MEGF10: variants seen among roughly 807,000 people sequenced by gnomAD.
MEGF10 encodes the protein multiple epidermal growth factor-like domains protein 10.
Under a neutral mutation model 147.5 loss-of-function variants are expected in MEGF10, and 86 were observed. The ratio of observed to expected loss-of-function variants is 0.58; its 90% CI spans 0.49 to 0.70. The LOEUF (loss-of-function observed/expected upper bound fraction) is 0.70, where lower values mean the gene tolerates loss of function less well. MEGF10 is among the 30% of genes least tolerant of loss of function. The pLI, the probability that MEGF10 is intolerant of heterozygous loss-of-function variation, is 0.00. For missense variants in MEGF10, 1,329 were observed against 1,487.3 expected (o/e 0.89, Z 1.75); for synonymous variants, 478 against 525.5 (o/e 0.91, Z 1.24).
At chr5:127,372,292 T>G (rs1172570522) in intron 5 of MEGF10, among the ~76,000 whole-genome samples, 1 of 152,252 alleles carries the variant, frequency 6.6e-6, no homozygotes, top group Non-Finnish European at 1.5e-5. Context: ...TTTTTAAATT[T>G]TTAAAATACA....
At chr5:127,292,691 T>G (rs1009975498) in intron 1 of MEGF10, among the ~76,000 whole-genome samples, 2 of 152,072 alleles carry the variant, frequency 1.3e-5, no homozygotes, top group African/African-American at 4.8e-5. Flanking sequence ...AAAGACTACT[T>G]GGAACAGGTG....
At chr5:127,428,273 T>C (rs1421141095) in intron 13 of MEGF10, among the ~76,000 whole-genome samples, 1 of 150,886 alleles carries the variant, frequency 6.6e-6, no homozygotes, top group Non-Finnish European at 1.5e-5. Flanking sequence ...GTCTTTAAAA[T>C]CCATAGTATC....
At chr5:127,422,521 AAG>A in intron 12 of MEGF10, 147 bp from the exon 13 acceptor site, 2 of 614,830 alleles carry the variant, frequency 3.3e-6, no homozygotes, top group South Asian at 2.1e-5. Context: ...CTCAAAAAAA[AAG>A]AAAAAAATAA....
At chr5:127,306,307 T>C (rs1313061617) in intron 1 of MEGF10, among the ~76,000 whole-genome samples, 1 of 152,138 alleles carries the variant, frequency 6.6e-6, no homozygotes, top group Non-Finnish European at 1.5e-5. Flanking sequence ...CTGAGAAGGA[T>C]GGCAACCAAG....
intron 1 of MEGF10, among the ~76,000 whole-genome samples, chr5:127,324,241 A>C (rs191957655): frequency 8.2e-4 from 125 of 152,344 alleles, no homozygotes; most frequent in African/African-American, 2.9e-3. Context: ...AAGACTCTTA[A>C]GGTTGAGAAG....
chr5:127,370,017 GCTGTTGT>G lies in MEGF10; in HGVS notation c.412+20_412+26del. On this transcript the variant is annotated intron_variant, in intron 5 of 24. Coordinates refer to ENST00000503335, the MANE Select transcript of MEGF10 (RefSeq NM_001256545.2). ...CTGCTCCAGTGGTAAGTTTCCACCT[GCTGTTGT>G]CTGTCTCGGGATGTTTTTGCTGTAA... 1.2e-6 allele frequency: 2 copies of G among 1,603,298 alleles called. No homozygotes were observed. The highest frequency in any genetic ancestry group is 1.7e-6 in the Non-Finnish European group (2 of 1,170,994).
At chr5:127,249,473 TAAAAG>T in the MEGF10 span, among the ~76,000 whole-genome samples, 1 of 151,416 alleles carries the variant, frequency 6.6e-6, no homozygotes, top group African/African-American at 2.4e-5. Context: ...AAAGGACAAA[TAAAAG>T]AAACAAACAT....
the MEGF10 span, among the ~76,000 whole-genome samples, chr5:127,238,467 A>G: frequency 6.6e-6 from 1 of 152,168 alleles, no homozygotes; most frequent in Non-Finnish European, 1.5e-5. Flanking sequence ...CATCTCATTG[A>G]CAGCTTGTGG....
chr5:127,387,307 TTC>T (rs1332094665), intron 5 of MEGF10, among the ~76,000 whole-genome samples: 1 of 152,210 alleles, frequency 6.6e-6, no homozygotes, highest in African/African-American at 2.4e-5. Context: ...ATTTACTAGA[TTC>T]TCTCCATGTG....
intron 1 of MEGF10, among the ~76,000 whole-genome samples, chr5:127,299,757 T>C (rs1313385461): frequency 6.6e-6 from 1 of 151,834 alleles, no homozygotes; most frequent in East Asian, 1.9e-4. Context: ...TTTTTTTTTT[T>C]TAAGTTAGGC....
chr5:127,457,238 C>A lies in MEGF10; in HGVS notation c.3343C>A (p.Pro1115Thr). Residue 1115 changes from proline to threonine, a missense_variant, in exon 25 of 25, where the codon CCA becomes ACA. Transcript: ENST00000503335. ...SHIPCHYDLLPVRDSSSSPKQ... is the reference protein window; with the variant it reads ...SHIPCHYDLLTVRDSSSSPKQ... ...CATCCCTTGTCATTATGACCTGCTGCCAGTCCGAGACAGTTCATCCTCCCC... is the reference window on the plus strand; with the variant it reads ...CATCCCTTGTCATTATGACCTGCTGACAGTCCGAGACAGTTCATCCTCCCC... 1 of 1,614,150 alleles carries A rather than the reference C, an allele frequency of 6.2e-7. No homozygotes were observed.
At chr5:127,442,916 A>G (rs1765807785) in intron 18 of MEGF10, 82 bp from the exon 19 acceptor site, 1 of 1,455,394 alleles carries the variant, frequency 6.9e-7, no homozygotes, top group Non-Finnish European at 9.4e-7. Context: ...ACTCAGCTCT[A>G]GATGTGCAGG....
At position 127,443,032 on chromosome 5, in the gene MEGF10, C is replaced by T. The variant is rs751687265; in HGVS notation, c.2397C>T (p.Arg799=). The change falls in exon 19 of 25, where the codon CGC becomes CGT. Residue 799 remains arginine, a synonymous_variant. Coordinates refer to ENST00000503335, the MANE Select transcript of MEGF10 (RefSeq NM_001256545.2). The part of the protein sequence containing the change: ...CPSGTYGYGC[R]QICDCLNNST... Reference sequence around the variant, plus strand: ...CAGGAACATATGGCTATGGCTGTCGCCAGATATGTGATTGTCTGAACAACT... The same window carrying T: ...CAGGAACATATGGCTATGGCTGTCGTCAGATATGTGATTGTCTGAACAACT... 6.2e-7 allele frequency: 1 copy of T among 1,613,658 alleles called. No homozygotes were observed. Among genetic ancestry groups the T allele is most frequent in the South Asian group, 1.1e-5 (1 of 91,038 alleles).
At chr5:127,416,202 T>C (rs574448820) in intron 9 of MEGF10, among the ~76,000 whole-genome samples, 3 of 151,980 alleles carry the variant, frequency 2.0e-5, no homozygotes, top group South Asian at 2.1e-4. Flanking sequence ...TAATTTTTTG[T>C]GTTTTTTAGT....
intron 7 of MEGF10, among the ~76,000 whole-genome samples, chr5:127,401,917 A>G (rs1380806680): frequency 6.6e-6 from 1 of 152,212 alleles, no homozygotes; most frequent in Non-Finnish European, 1.5e-5. Context: ...TTGGCTCAGC[A>G]ATGCTTGTTG....
the MEGF10 span, among the ~76,000 whole-genome samples, chr5:127,266,832 G>A: frequency 6.6e-6 from 1 of 152,152 alleles, no homozygotes; most frequent in East Asian, 1.9e-4. Context: ...CTGAGACAAT[G>A]GGGTTTTCTA....
At chr5:127,446,498 C>T (rs1339577402) in intron 20 of MEGF10, among the ~76,000 whole-genome samples, 1 of 152,112 alleles carries the variant, frequency 6.6e-6, no homozygotes, top group African/African-American at 2.4e-5. Context: ...CAAATGATAC[C>T]TTCCCAGCTG....
intron 13 of MEGF10, among the ~76,000 whole-genome samples, chr5:127,423,425 G>A (rs528385790): frequency 6.6e-6 from 1 of 152,180 alleles, no homozygotes; most frequent in Admixed American, 6.5e-5. Context: ...GACTTGCTAA[G>A]ATATTTAGTG....
chr5:127,360,262 T>C (rs973301811), intron 4 of MEGF10, among the ~76,000 whole-genome samples: 14 of 152,048 alleles, frequency 9.2e-5, no homozygotes, highest in African/African-American at 3.4e-4. Context: ...TTGAGGTTAT[T>C]GTAAATGGCT....
Sources: allele counts gnomAD v4.1 joint callset (sites outside exome capture counted in the v4.1 genomes callset), GRCh38; gene constraint gnomAD v4.1.1; transcripts MANE v1.5; gene names NCBI Gene and HGNC (gene_info 2026-07-23, HGNC 2026-07-21).